The following RTN3 variants were observed in gnomAD, a reference collection of about 807,000 sequenced individuals.
The protein encoded by RTN3 is reticulon-3.
Under a neutral mutation model 77.8 loss-of-function variants are expected in RTN3, and 49 were observed. That is an observed-to-expected ratio of 0.63 (90% CI 0.50 to 0.80). The LOEUF is 0.80. Among genes scored for constraint, RTN3 ranks in the 30% least tolerant of loss-of-function variants. The probability of loss-of-function intolerance (pLI) is 0.00; values close to 1 mark genes in which losing one functional copy is unlikely to be tolerated. For missense variants in RTN3, 1,236 were observed against 1,211.9 expected, an observed-to-expected ratio of 1.02 and a Z score of -0.29; for synonymous variants, 464 against 446.9, an observed-to-expected ratio of 1.04 and a Z score of -0.48.
chr11:63,722,791 T>C (rs1358327015), intron 3 of RTN3, among the ~76,000 whole-genome samples: 1 of 152,190 alleles, frequency 6.6e-6, no homozygotes, highest in Non-Finnish European at 1.5e-5. Flanking sequence ...TTTTAATATC[T>C]GTAAAGTGAG....
At position 63,720,961 on chromosome 11, in the gene RTN3, C is replaced by G; in HGVS notation, c.2459C>G (p.Ala820Gly). ...ATCAGAGAAACTACTAGGGTAGATG[C>G]TGTTTCCAGCCTTAGCAAGACTGAA... ...ITIRETTRVD[A>G]VSSLSKTELV... is the part of the protein sequence containing the mutation. Residue 820 changes from alanine (A) to glycine (G), a missense_variant, in exon 3 of 9, where the codon GCT becomes GGT. Coordinates refer to ENST00000377819, the MANE Select transcript of RTN3 (RefSeq NM_001265589.2). 1 of 1,613,920 alleles carries G rather than the reference C, an allele frequency of 6.2e-7. No homozygotes were observed. Among genetic ancestry groups the G allele is most frequent in the Admixed American group, 1.7e-5 (1 of 60,010 alleles).
Sources: allele counts gnomAD v4.1 joint callset (sites outside exome capture counted in the v4.1 genomes callset), GRCh38; gene constraint gnomAD v4.1.1; transcripts MANE v1.5; gene names NCBI Gene and HGNC (gene_info 2026-07-23, HGNC 2026-07-21).